ANKRD7: variants seen among roughly 807,000 people sequenced by gnomAD.
ANKRD7 encodes ankyrin repeat domain-containing protein 7.
A neutral mutation model predicts 30.8 loss-of-function variants in ANKRD7; 30 were observed. The ratio of observed to expected loss-of-function variants is 0.97; its 90% CI spans 0.73 to 1.32. The LOEUF is 1.32. Ranked by LOEUF, ANKRD7 falls within the 40% of genes most tolerant of loss-of-function variation. The pLI, the probability that ANKRD7 is intolerant of heterozygous loss-of-function variation, is 0.00. For synonymous variants in ANKRD7, 97 were observed against 106.6 expected (o/e 0.91, Z 0.55); for missense variants, 264 against 295.7 (o/e 0.89, Z 0.79).
chr7:118,237,181 CAT>C (rs1346711570), intron 5 of ANKRD7, among the ~76,000 whole-genome samples: 1 of 152,152 alleles, frequency 6.6e-6, no homozygotes, highest in Non-Finnish European at 1.5e-5. Context: ...ACACTTGTAA[CAT>C]AGCCATTAAT....
intron 6 of ANKRD7, among the ~76,000 whole-genome samples, chr7:118,241,156 G>A (rs868857570): frequency 3.4e-4 from 32 of 94,760 alleles, no homozygotes; most frequent in African/African-American, 1.2e-3. Flanking sequence ...GCGAGACTCC[G>A]TCTCAAAAAA....
chr7:118,234,951 T>A (rs1809702487), intron 3 of ANKRD7, 77 bp downstream of exon 3: 1 of 1,239,170 alleles, frequency 8.1e-7, no homozygotes, highest in South Asian at 1.7e-5. Flanking sequence ...TTCATCTATG[T>A]TGAAATATAT....
chr7:118,242,417 G>A lies in ANKRD7; in HGVS notation c.*106G>A, dbSNP rs960816540. 6.6e-6 allele frequency: 1 copy of A among 151,734 alleles called. No individual in the cohort carries two copies. The highest frequency in any genetic ancestry group is 2.4e-5 in the African/African-American group (1 of 41,348). 9.4% of individuals were successfully genotyped at this position (151,734 alleles called of 1,614,324 possible). The stretch of plus-strand genomic sequence containing the variant: ...TGGAAAAATGTACTTTGAAAGAACC[G>A]TTAAGTGAACTATTATAATATTTTT... On this transcript the variant is annotated 3_prime_UTR_variant, in exon 7 of 7. Transcript: ENST00000265224.
At chr7:118,241,160 C>CAAAAAAAA (rs60703234) in intron 6 of ANKRD7, among the ~76,000 whole-genome samples, 2 of 21,848 alleles carry the variant, frequency 9.2e-5, no homozygotes, top group Admixed American at 4.0e-4. Flanking sequence ...GACTCCGTCT[C>CAAAAAAAA]AAAAAAAAAA....
intron 1 of ANKRD7, among the ~76,000 whole-genome samples, chr7:118,228,205 G>A (rs557419987): frequency 1.1e-4 from 17 of 152,160 alleles, no homozygotes; most frequent in African/African-American, 3.4e-4. Flanking sequence ...TTGTAAACAC[G>A]TAAGGAATTC....
intron 5 of ANKRD7, 106 bp from the exon 6 acceptor site, chr7:118,239,803 A>G (rs1717013318): frequency 1.8e-6 from 1 of 562,918 alleles, no homozygotes; most frequent in Non-Finnish European, 2.9e-6. Context: ...AGTGTGTTAC[A>G]TTCTTGGGGC....
chr7:118,241,882 G>A (rs1326290832), intron 6 of ANKRD7, among the ~76,000 whole-genome samples: 1 of 151,936 alleles, frequency 6.6e-6, no homozygotes, highest in African/African-American at 2.4e-5. Flanking sequence ...CTCTTCTCCT[G>A]CACCTCTCTC....
chr7:118,225,993 A>C (rs905883780), intron 1 of ANKRD7, among the ~76,000 whole-genome samples: 2 of 152,198 alleles, frequency 1.3e-5, no homozygotes. Flanking sequence ...TGAACTTGTC[A>C]AGTCACAAAG....
intron 6 of ANKRD7, among the ~76,000 whole-genome samples, chr7:118,240,892 C>T (rs997589601): frequency 6.6e-6 from 1 of 151,784 alleles, no homozygotes; most frequent in Non-Finnish European, 1.5e-5. Context: ...CGGTGGCTCA[C>T]GCCTGTAATC....
rs957310118 is a variant in ANKRD7 at position 118,236,061 on chromosome 7, A to G, written c.489A>G (p.Leu163=). 1.3e-6 allele frequency: 2 copies of G among 1,593,354 alleles called. No individual in the cohort carries two copies. The highest frequency in any genetic ancestry group is 1.3e-5 in the African/African-American group (1 of 74,412). ...TTCAGGATGGGTATACTCCACTATT[A>G]GTTGCCGTTATTAACAATAATCCAA... ...AKNKDGYTPL[L]VAVINNNPKM... is the part of the protein sequence containing the mutation. The change falls in exon 4 of 7, where the codon TTA becomes TTG. Residue 163 remains leucine (L), a synonymous_variant. Coordinates refer to ENST00000265224, the MANE Select transcript of ANKRD7 (RefSeq NM_019644.4).
At chr7:118,240,677 T>A (rs1237866375) in intron 6 of ANKRD7, among the ~76,000 whole-genome samples, 1 of 152,104 alleles carries the variant, frequency 6.6e-6, no homozygotes, top group African/African-American at 2.4e-5. Context: ...TATATTTTAA[T>A]AGATGAAAAA....
In ANKRD7 at chr7:118,225,019, C is replaced by T. The variant is rs750407152; in HGVS notation, c.179+10C>T. On this transcript the variant is annotated intron_variant, in intron 1 of 6. Coordinates refer to ENST00000265224, the MANE Select transcript of ANKRD7 (RefSeq NM_019644.4). The stretch of plus-strand genomic sequence containing the variant: ...AGGACAAAAAATACAGGTGACCAGA[C>T]TGAAGAGCCAGCGCGGGAGGACGGG... 4 of 1,613,266 alleles carry T rather than the reference C, an allele frequency of 2.5e-6. No homozygotes were observed. Among genetic ancestry groups the T allele is most frequent in the East Asian group, 4.5e-5 (2 of 44,858 alleles).
rs759672590 is a variant in ANKRD7, at chr7:118,224,998, C to CA, written c.174dup (p.Tyr59IlefsTer11). 27 of 1,613,418 alleles carry CA rather than the reference C, an allele frequency of 1.7e-5. No individual in the cohort carries two copies. Among genetic ancestry groups the CA allele is most frequent in the Non-Finnish European group, 2.2e-5 (26 of 1,179,788 alleles). Reference sequence around the variant, plus strand: ...AGAAATATGATGTAAATATGCAGGACAAAAAATACAGGTGACCAGACTGAA... The same window carrying CA: ...AGAAATATGATGTAAATATGCAGGACAAAAAAATACAGGTGACCAGACTGAA... On this transcript the variant is annotated frameshift_variant, in exon 1 of 7. Coordinates refer to ENST00000265224, the MANE Select transcript of ANKRD7 (RefSeq NM_019644.4). LOFTEE classifies it high-confidence loss of function.
chr7:118,236,702 T>G (rs2116019458), intron 4 of ANKRD7, 88 bp from the exon 5 acceptor site: 1 of 1,374,176 alleles, frequency 7.3e-7, no homozygotes, highest in South Asian at 1.4e-5. Flanking sequence ...GGCCCTACAT[T>G]TGAGTAGTAA....
rs1050774262 is a variant in ANKRD7, at chr7:118,242,608, A to C, written c.*297A>C. On this transcript the variant is annotated 3_prime_UTR_variant, in exon 7 of 7. Transcript: ENST00000265224. ...TAGGCAGAAAAAAATTTGTGTCAAAATGTTGAATGGAATAATAATGAGGAA... is the reference window on the plus strand; with the variant it reads ...TAGGCAGAAAAAAATTTGTGTCAAACTGTTGAATGGAATAATAATGAGGAA... 3 of 152,196 alleles carry C rather than the reference A, an allele frequency of 2.0e-5. No individual in the cohort carries two copies. The highest frequency in any genetic ancestry group is 7.2e-5 in the African/African-American group (3 of 41,478). The allele number at this position is 152,196 out of a possible 1,614,324, so 9.4% of individuals were successfully genotyped here.
intron 5 of ANKRD7, among the ~76,000 whole-genome samples, chr7:118,239,542 A>T (rs2116026529): frequency 6.6e-6 from 1 of 152,232 alleles, no homozygotes; most frequent in South Asian, 2.1e-4. Flanking sequence ...ACCTCAATAA[A>T]TGTGCAGCCG....
intron 1 of ANKRD7, 100 bp from the exon 2 acceptor site, chr7:118,234,331 G>A: frequency 4.8e-6 from 3 of 620,682 alleles, no homozygotes; most frequent in South Asian, 2.6e-5. Flanking sequence ...CATGAAGCAA[G>A]TACCTTACCA....
intron 1 of ANKRD7, among the ~76,000 whole-genome samples, chr7:118,234,136 A>G (rs887315172): frequency 6.6e-6 from 1 of 152,172 alleles, no homozygotes; most frequent in African/African-American, 2.4e-5. Context: ...TAACTTTATT[A>G]TCTTTTCCAA....
chr7:118,225,189 T>TA (rs374393304), intron 1 of ANKRD7, among the ~76,000 whole-genome samples, 180 bp downstream of exon 1: 77 of 149,304 alleles, frequency 5.2e-4, no homozygotes, highest in African/African-American at 1.4e-3. Flanking sequence ...TTATTTAATT[T>TA]AAAAAAAAAA....
Sources: allele counts gnomAD v4.1 joint callset (sites outside exome capture counted in the v4.1 genomes callset), GRCh38; gene constraint gnomAD v4.1.1; transcripts MANE v1.5; gene names NCBI Gene and HGNC (gene_info 2026-07-23, HGNC 2026-07-21).